Variants in GABRG3 observed in about 807,000 individuals in gnomAD.
GABRG3 encodes gamma-aminobutyric acid receptor subunit gamma-3.
In GABRG3, 25 loss-of-function variants were observed where a neutral mutation model predicts 48.8. That is an observed-to-expected ratio of 0.51 (90% CI 0.37 to 0.72). The LOEUF (loss-of-function observed/expected upper bound fraction) is 0.72, where lower values mean the gene tolerates loss of function less well. Ranked by LOEUF, GABRG3 falls within the 30% of genes least tolerant of loss-of-function variation. The probability of loss-of-function intolerance (pLI) is 0.00; values close to 1 mark genes in which losing one functional copy is unlikely to be tolerated. For missense variants in GABRG3, 394 were observed against 577.9 expected, an observed-to-expected ratio of 0.68 and a Z score of 3.26; for synonymous variants, 227 against 217.6, an observed-to-expected ratio of 1.04 and a Z score of -0.38.
At position 27,195,663 on chromosome 15, in the gene GABRG3, C is replaced by G. The variant is rs573149406; in HGVS notation, c.271-131146C>G. ...TTTGTTTTTGTTTTTGAGAAAGAGTCTCACTCTGTTCTCTAGGCTGGAGTG... is the reference window on the plus strand; with the variant it reads ...TTTGTTTTTGTTTTTGAGAAAGAGTGTCACTCTGTTCTCTAGGCTGGAGTG... On this transcript the variant is annotated intron_variant, in intron 3 of 9. Transcript: ENST00000615808. 2.0e-5 allele frequency among the ~76,000 whole-genome samples: 3 copies of G among 151,500 alleles called. No individual in the cohort carries two copies. The East Asian group carries it at 5.9e-4, about 30-fold the overall frequency.
chr15:27,443,015 C>G (rs1012091788), intron 5 of GABRG3, among the ~76,000 whole-genome samples: 2 of 152,216 alleles, frequency 1.3e-5, no homozygotes, highest in East Asian at 3.9e-4. Context: ...GGCTGCAATG[C>G]GGTCAGTCCC....
At chr15:27,076,424 A>G (rs935268274) in intron 3 of GABRG3, among the ~76,000 whole-genome samples, 2 of 150,886 alleles carry the variant, frequency 1.3e-5, no homozygotes, top group East Asian at 2.0e-4. Flanking sequence ...CCTGGGTTCA[A>G]GCGATTCTCC....
chr15:27,041,389 C>T (rs915818183), intron 3 of GABRG3, among the ~76,000 whole-genome samples: 5 of 152,080 alleles, frequency 3.3e-5, no homozygotes, highest in East Asian at 3.9e-4. Context: ...TCCCATGTTG[C>T]CCAGCTGGTC....
intron 5 of GABRG3, among the ~76,000 whole-genome samples, chr15:27,380,788 G>A (rs1895745071): frequency 7.1e-6 from 1 of 139,942 alleles, no homozygotes; most frequent in Non-Finnish European, 1.5e-5. Context: ...TTTTGAGACA[G>A]CGAGTCTCAC....
At chr15:27,096,678 ATAAT>A (rs941194153) in intron 3 of GABRG3, among the ~76,000 whole-genome samples, 6 of 152,212 alleles carry the variant, frequency 3.9e-5, no homozygotes, top group Admixed American at 1.3e-4. Flanking sequence ...CAGTTTCCAA[ATAAT>A]TAATAAATTC....
intron 1 of GABRG3, among the ~76,000 whole-genome samples, chr15:26,972,148 C>T (rs553776490): frequency 1.3e-5 from 2 of 152,154 alleles, no homozygotes; most frequent in East Asian, 3.9e-4. Flanking sequence ...GTCCTGCAAA[C>T]ACACACACAC....
chr15:27,018,755 A>G, intron 2 of GABRG3, among the ~76,000 whole-genome samples: 1 of 152,194 alleles, frequency 6.6e-6, no homozygotes, highest in Non-Finnish European at 1.5e-5. Flanking sequence ...ACTAAGTTAT[A>G]GAAAACATTT....
chr15:27,206,959 T>A (rs1247631508), intron 3 of GABRG3, among the ~76,000 whole-genome samples: 2 of 152,080 alleles, frequency 1.3e-5, no homozygotes, highest in Non-Finnish European at 2.9e-5. Flanking sequence ...ATGTGAGAGG[T>A]CTCTTGAAGA....
At chr15:27,380,870 A>G (rs1895750818) in intron 5 of GABRG3, among the ~76,000 whole-genome samples, 2 of 148,306 alleles carry the variant, frequency 1.3e-5, no homozygotes, top group Non-Finnish European at 3.0e-5. Flanking sequence ...GGTTCACGCC[A>G]TTCTCCTGCC....
At chr15:27,371,993 C>T (rs185394840) in intron 5 of GABRG3, among the ~76,000 whole-genome samples, 1 of 152,156 alleles carries the variant, frequency 6.6e-6, no homozygotes, top group Admixed American at 6.5e-5. Flanking sequence ...TCGATGTGGG[C>T]TTTAATTGCT....
chr15:27,077,596 C>T (rs572258439), intron 3 of GABRG3, among the ~76,000 whole-genome samples: 1 of 152,160 alleles, frequency 6.6e-6, no homozygotes, highest in Non-Finnish European at 1.5e-5. Flanking sequence ...GAACATCTTC[C>T]CCAGACCCCG....
chr15:27,023,251 C>T (rs1462981942), intron 2 of GABRG3, among the ~76,000 whole-genome samples: 2 of 152,052 alleles, frequency 1.3e-5, no homozygotes, highest in Non-Finnish European at 2.9e-5. Context: ...TCTGGCTTTC[C>T]TACCTTCATA....
At chr15:27,366,173 C>T (rs1012288600) in intron 5 of GABRG3, 2 of 152,032 alleles carry the variant, frequency 1.3e-5, no homozygotes, top group Admixed American at 6.5e-5. Flanking sequence ...CATGAGACAC[C>T]GATTGCTCTT....
At chr15:27,521,247 C>A (rs1468688589) in intron 7 of GABRG3, among the ~76,000 whole-genome samples, 1 of 152,006 alleles carries the variant, frequency 6.6e-6, no homozygotes, top group African/African-American at 2.4e-5. Context: ...AATTTATAGC[C>A]AGAAGAATTG....
chr15:27,102,850 C>A (rs1419530159), intron 3 of GABRG3, among the ~76,000 whole-genome samples: 2 of 152,120 alleles, frequency 1.3e-5, no homozygotes, highest in Non-Finnish European at 2.9e-5. Context: ...CTTTTTCTTC[C>A]ATAGTACTCC....
At chr15:27,178,628 G>A (rs1887823368) in intron 3 of GABRG3, among the ~76,000 whole-genome samples, 1 of 152,156 alleles carries the variant, frequency 6.6e-6, no homozygotes, top group Admixed American at 6.5e-5. Flanking sequence ...GAGACACGGG[G>A]GAGATTGTCT....
intron 5 of GABRG3, among the ~76,000 whole-genome samples, chr15:27,374,700 T>G (rs935312943): frequency 1.3e-5 from 2 of 152,102 alleles, no homozygotes; most frequent in Non-Finnish European, 2.9e-5. Flanking sequence ...AAGGTGTGTG[T>G]GGAGCAGGTT....
At chr15:27,200,014 TTCCTTCC>T (rs1888628931) in intron 3 of GABRG3, among the ~76,000 whole-genome samples, 2 of 152,028 alleles carry the variant, frequency 1.3e-5, no homozygotes, top group Admixed American at 1.3e-4. Flanking sequence ...GCTTTCTCCT[TTCCTTCC>T]TCCCTTACTT....
At chr15:27,071,944 T>C (rs1896834274) in intron 3 of GABRG3, among the ~76,000 whole-genome samples, 1 of 152,244 alleles carries the variant, frequency 6.6e-6, no homozygotes, top group Non-Finnish European at 1.5e-5. Context: ...CCTCTCAGGC[T>C]GGAAGATAGA....
Sources: allele counts gnomAD v4.1 joint callset (sites outside exome capture counted in the v4.1 genomes callset), GRCh38; gene constraint gnomAD v4.1.1; transcripts MANE v1.5; gene names NCBI Gene and HGNC (gene_info 2026-07-23, HGNC 2026-07-21).